The following SAMD3 variants were observed in gnomAD, a reference collection of about 807,000 sequenced individuals.
SAMD3 encodes sterile alpha motif domain containing 3.
In SAMD3, 63 loss-of-function variants were observed where a neutral mutation model predicts 58.5. The ratio of observed to expected loss-of-function variants is 1.08; its 90% CI spans 0.88 to 1.33. The LOEUF is 1.33. SAMD3 is among the 40% of genes most tolerant of loss of function. The probability of loss-of-function intolerance (pLI) is 0.00; values close to 1 mark genes in which losing one functional copy is unlikely to be tolerated. For synonymous variants in SAMD3, 220 were observed against 210.3 expected, an observed-to-expected ratio of 1.05 and a Z score of -0.40; for missense variants, 604 against 608.4, an observed-to-expected ratio of 0.99 and a Z score of 0.08.
intron 2 of SAMD3, chr6:130,312,935 G>A (rs144151371): frequency 1.3e-5 from 2 of 152,278 alleles, no homozygotes; most frequent in Admixed American, 6.5e-5. Flanking sequence ...CAGTCTCGTA[G>A]TGCATAGCAC....
intron 2 of SAMD3, among the ~76,000 whole-genome samples, chr6:130,256,900 C>T (rs553031795): frequency 4.6e-4 from 70 of 152,176 alleles, no homozygotes; most frequent in African/African-American, 1.6e-3. Context: ...ACAAGTAACC[C>T]CAAATCACTA....
At chr6:130,269,285 AG>A (rs377375321) in intron 2 of SAMD3, among the ~76,000 whole-genome samples, 62 of 152,218 alleles carry the variant, frequency 4.1e-4, no homozygotes, top group African/African-American at 1.5e-3. Flanking sequence ...GCATATTTCT[AG>A]GTTCTCTATT....
chr6:130,308,394 TA>T (rs373488541), intron 2 of SAMD3, among the ~76,000 whole-genome samples: 141 of 144,038 alleles, frequency 9.8e-4, no homozygotes, highest in African/African-American at 2.2e-3. Flanking sequence ...TATTCTATTC[TA>T]TTCTATTCTA....
chr6:130,171,184 C>T (rs1791216132), intron 8 of SAMD3, among the ~76,000 whole-genome samples: 1 of 152,158 alleles, frequency 6.6e-6, no homozygotes, highest in Admixed American at 6.5e-5. Flanking sequence ...TTTTCTGCAT[C>T]TATTGAGATA....
At chr6:130,350,254 T>C (rs1321687142) in intron 1 of SAMD3, among the ~76,000 whole-genome samples, 1 of 152,162 alleles carries the variant, frequency 6.6e-6, no homozygotes, top group African/African-American at 2.4e-5. Flanking sequence ...ATAAAGGGCA[T>C]TCAATTAGGA....
chr6:130,303,283 A>G (rs533585795), intron 2 of SAMD3, among the ~76,000 whole-genome samples: 4 of 152,296 alleles, frequency 2.6e-5, no homozygotes, highest in African/African-American at 9.6e-5. Flanking sequence ...TACAGGAGAA[A>G]AAAATAGATA....
At chr6:130,215,426 AT>A in intron 2 of SAMD3, 132 bp from the exon 3 acceptor site, 1 of 1,250,530 alleles carries the variant, frequency 8.0e-7, no homozygotes, top group South Asian at 2.9e-5. Context: ...TAAAATTACT[AT>A]TTTTACAATG....
At chr6:130,230,381 C>T (rs563537985) in intron 2 of SAMD3, among the ~76,000 whole-genome samples, 6 of 151,286 alleles carry the variant, frequency 4.0e-5, no homozygotes, top group Non-Finnish European at 7.4e-5. Flanking sequence ...TTCGCCTCTC[C>T]TTCTTCTTCT....
intron 1 of SAMD3, among the ~76,000 whole-genome samples, chr6:130,326,040 C>T (rs1224357541): frequency 6.6e-6 from 1 of 152,160 alleles, no homozygotes; most frequent in Non-Finnish European, 1.5e-5. Context: ...TGAGCATAGT[C>T]CTTAAAACTC....
At chr6:130,267,512 C>G (rs11154552) in intron 2 of SAMD3, among the ~76,000 whole-genome samples, 47,233 of 151,978 alleles carry the variant, frequency 0.31, 7,719 homozygotes, top group East Asian at 0.47. Context: ...AATGAGAGAA[C>G]AGAGACAGAC....
At chr6:130,248,187 T>C (rs1583003727) in intron 2 of SAMD3, among the ~76,000 whole-genome samples, 1 of 149,230 alleles carries the variant, frequency 6.7e-6, no homozygotes, top group East Asian at 2.0e-4. Flanking sequence ...TGCGTGTGTG[T>C]GTGTGTGTGT....
At chr6:130,242,812 C>T (rs1260382963) in intron 2 of SAMD3, among the ~76,000 whole-genome samples, 1 of 152,160 alleles carries the variant, frequency 6.6e-6, no homozygotes, top group Non-Finnish European at 1.5e-5. Flanking sequence ...CAATGGTTTG[C>T]CTTCAGCTTA....
intron 2 of SAMD3, among the ~76,000 whole-genome samples, chr6:130,248,847 C>A (rs996956456): frequency 6.6e-6 from 1 of 152,086 alleles, no homozygotes; most frequent in African/African-American, 2.4e-5. Context: ...AACAATGAAT[C>A]CTGCTCTTAT....
rs201305324 is a variant in SAMD3 at position 130,343,978 on chromosome 6, A to C, written c.-304+21142T>G. Among the ~76,000 whole-genome samples, 284 of 117,194 alleles carry C rather than the reference A, an allele frequency of 2.4e-3. 2 individuals carry two copies. The highest frequency in any genetic ancestry group is 4.4e-3 in the Middle Eastern group (1 of 228). 76.9% of individuals were successfully genotyped at this position (117,194 alleles called of 152,430 possible). ...AGACTCTGTCTTAAAAACAAACAAA[A>C]AAAAAAGGGTCAAGGACACCCCTTT... On this transcript the variant is annotated intron_variant, in intron 1 of 13. Coordinates refer to the SAMD3 transcript ENST00000368134.
At chr6:130,218,909 A>G (rs1796111098) in intron 1 of SAMD3, among the ~76,000 whole-genome samples, 4 of 152,304 alleles carry the variant, frequency 2.6e-5, no homozygotes, top group Admixed American at 2.6e-4. Flanking sequence ...CAGGGTCTGA[A>G]GATCGCAGAA....
At chr6:130,246,510 AT>A (rs11356571) in intron 2 of SAMD3, among the ~76,000 whole-genome samples, 44,358 of 147,744 alleles carry the variant, frequency 0.3, 9,882 homozygotes, top group African/African-American at 0.63. Flanking sequence ...TTGTATTGGT[AT>A]TTTTTTTTTT....
At chr6:130,328,946 A>G (rs1221571566) in intron 1 of SAMD3, among the ~76,000 whole-genome samples, 1 of 152,198 alleles carries the variant, frequency 6.6e-6, no homozygotes, top group Non-Finnish European at 1.5e-5. Flanking sequence ...CAAGGTTGAG[A>G]GTGTCAGAGG....
At chr6:130,341,812 G>A (rs555288403) in intron 1 of SAMD3, among the ~76,000 whole-genome samples, 116 of 152,216 alleles carry the variant, frequency 7.6e-4, no homozygotes, top group African/African-American at 2.5e-3. Flanking sequence ...ACATTTCACC[G>A]TGTCTTCCCC....
At chr6:130,206,883 C>T (rs1020352537) in intron 5 of SAMD3, among the ~76,000 whole-genome samples, 2 of 152,120 alleles carry the variant, frequency 1.3e-5, no homozygotes. Flanking sequence ...GGAATAATAA[C>T]CCTGCCTAGC....
Sources: allele counts gnomAD v4.1 joint callset (sites outside exome capture counted in the v4.1 genomes callset), GRCh38; gene constraint gnomAD v4.1.1; transcripts MANE v1.5; gene names NCBI Gene and HGNC (gene_info 2026-07-23, HGNC 2026-07-21).